Variants in CD93 observed in about 807,000 individuals in gnomAD.
The protein encoded by CD93 is complement component C1q receptor.
In CD93, 44 loss-of-function variants were observed where a neutral mutation model predicts 45.5. The ratio of observed to expected loss-of-function variants is 0.97; its 90% CI spans 0.76 to 1.24. The LOEUF is 1.24. Among genes scored for constraint, CD93 ranks in the 50% most tolerant of loss-of-function variants. CD93 has a pLI of 0.00. For missense variants in CD93, 918 were observed against 844.5 expected, an observed-to-expected ratio of 1.09 and a Z score of -1.08; for synonymous variants, 431 against 370.8, an observed-to-expected ratio of 1.16 and a Z score of -1.87.
Position 23,085,828 on chromosome 20 carries a change from T to G in CD93, c.365A>C (p.Asp122Ala). Residue 122 changes from aspartate (D) to alanine (A), a missense_variant, in exon 1 of 2, where the codon GAC becomes GCC. Asp to Ala is a moderately radical substitution (Grantham distance 126). Coordinates refer to ENST00000246006, the MANE Select transcript of CD93 (RefSeq NM_012072.4). Reference sequence around the variant, plus strand: ...CTTGTGCCAGTTAGAGTAAGGCGTGTCCTCCCCCCCGCCCACCCAGCTGAA... The same window carrying G: ...CTTGTGCCAGTTAGAGTAAGGCGTGGCCTCCCCCCCGCCCACCCAGCTGAA... ...KGFSWVGGGE[D>A]TPYSNWHKEL... 1 of 1,602,360 alleles carries G rather than the reference T, an allele frequency of 6.2e-7. No homozygotes were observed.
chr20:23,084,754 G>C lies in CD93; in HGVS notation c.1439C>G (p.Pro480Arg). ...GPVSLGPPSG[P>R]PDEEDKGEKE... Reference sequence around the variant, plus strand: ...CTCTCCTTTGTCCTCCTCATCGGGGGGCCCAGATGGTGGTCCCAGAGACAC... The same window carrying C: ...CTCTCCTTTGTCCTCCTCATCGGGGCGCCCAGATGGTGGTCCCAGAGACAC... Residue 480 changes from proline to arginine, a missense_variant, in exon 1 of 2, where the codon CCC (proline) becomes CGC (arginine). Pro to Arg is a moderately radical substitution (Grantham distance 103). Coordinates refer to ENST00000246006, the MANE Select transcript of CD93 (RefSeq NM_012072.4). 1.2e-6 allele frequency: 2 copies of C among 1,610,072 alleles called. No homozygotes were observed. The highest frequency in any genetic ancestry group is 2.2e-5 in the South Asian group (2 of 90,734).
At position 23,083,335 on chromosome 20, in the gene CD93, C is replaced by T. The variant is rs1052755299; in HGVS notation, c.*615G>A. 1 of 152,378 alleles carries T rather than the reference C, an allele frequency of 6.6e-6. No homozygotes were observed. The highest frequency in any genetic ancestry group is 6.5e-5 in the Admixed American group (1 of 15,308). 9.4% of individuals were successfully genotyped at this position (152,378 alleles called of 1,614,324 possible). On this transcript the variant is annotated 3_prime_UTR_variant, in exon 2 of 2. Coordinates refer to ENST00000246006, the MANE Select transcript of CD93 (RefSeq NM_012072.4). ...TAAGAACTAAAGAGGCACTTCCTGC[C>T]TCCTTGCCACCTAAGAGGTTAATTG...
rs1985328686 is a variant in CD93 at position 23,081,764 on chromosome 20, A to C, written c.*2186T>G. ...TGAGAGCAATCAGAACACTGTGAAAATAGGAGGGCTCGTTGGATCCCAGGA... is the reference window on the plus strand; with the variant it reads ...TGAGAGCAATCAGAACACTGTGAAACTAGGAGGGCTCGTTGGATCCCAGGA... On this transcript the variant is annotated 3_prime_UTR_variant, in exon 2 of 2. Coordinates refer to ENST00000246006, the MANE Select transcript of CD93 (RefSeq NM_012072.4). 6.6e-6 allele frequency: 1 copy of C among 152,272 alleles called. No individual in the cohort carries two copies. The highest frequency in any genetic ancestry group is 2.4e-5 in the African/African-American group (1 of 41,450). The allele number at this position is 152,272 out of a possible 1,614,324, so 9.4% of individuals were successfully genotyped here. A position where few individuals can be genotyped will look rare whatever the true frequency, so the allele number is the denominator to read the frequency against.
At position 23,083,974 on chromosome 20, in the gene CD93, A is replaced by C. The variant is rs748756730; in HGVS notation, c.1935T>G (p.Ser645Arg). The C allele has an allele frequency of 1.2e-6, 2 of 1,614,108 alleles. No individual in the cohort carries two copies. Among genetic ancestry groups the C allele is most frequent in the Non-Finnish European group, 1.7e-6 (2 of 1,180,012 alleles). Residue 645 changes from serine to arginine, a missense_variant and splice_region_variant, in exon 2 of 2, where the codon AGT (serine) becomes AGG (arginine). By Grantham distance (110) the Ser-to-Arg change is moderately radical. Coordinates refer to ENST00000246006, the MANE Select transcript of CD93 (RefSeq NM_012072.4). ...TTCAGCAGTCTGTCCCAGGTGTCGGACTATGGGAAACAAAACAGACAGCGT... is the reference window on the plus strand; with the variant it reads ...TTCAGCAGTCTGTCCCAGGTGTCGGCCTATGGGAAACAAAACAGACAGCGT... ...AESRAMENQY[S>R]PTPGTDC
rs1568675791 is a variant in CD93, at chr20:23,081,525, G to T, written c.*2425C>A. On this transcript the variant is annotated 3_prime_UTR_variant, in exon 2 of 2. Transcript: ENST00000246006. ...ATCAGATGCACAACCTGAGCTGTCT[G>T]GTTGGGTTGCTGGCTCTCCCCCCGT... 1.3e-5 allele frequency: 2 copies of T among 152,270 alleles called. No homozygotes were observed. The highest frequency in any genetic ancestry group is 2.4e-5 in the African/African-American group (1 of 41,472). 9.4% of individuals were successfully genotyped at this position (152,270 alleles called of 1,614,324 possible).
In CD93 at chr20:23,084,994, C is replaced by A; in HGVS notation, c.1199G>T (p.Cys400Phe). 6.2e-7 allele frequency: 1 copy of A among 1,613,940 alleles called. No individual in the cohort carries two copies. Among genetic ancestry groups the A allele is most frequent in the Non-Finnish European group, 8.5e-7 (1 of 1,180,018 alleles). ...ALGRSPCAQG[C>F]TNTDGSFHCS... ...GTGAAATGAGCCATCTGTGTTGGTG[C>A]AGCCCTGGGCGCAAGGCGAGCGACC... Residue 400 changes from cysteine (C) to phenylalanine (F), a missense_variant, in exon 1 of 2, where the codon TGC becomes TTC. Coordinates refer to ENST00000246006, the MANE Select transcript of CD93 (RefSeq NM_012072.4).
Position 23,085,938 on chromosome 20 carries a change from G to A in CD93, c.255C>T (p.Ala85=). Residue 85 remains alanine, a synonymous_variant, in exon 1 of 2, where the codon GCC becomes GCT. Coordinates refer to ENST00000246006, the MANE Select transcript of CD93 (RefSeq NM_012072.4). ...VLAQLLRREA[A]LTARMSKFWI... ...AGAACTTGCTCATCCTCGCCGTCAG[G>A]GCTGCCTCCCGCCTCAGGAGCTGGG... 1 of 1,608,664 alleles carries A rather than the reference G, an allele frequency of 6.2e-7. No individual in the cohort carries two copies. The highest frequency in any genetic ancestry group is 8.5e-7 in the Non-Finnish European group (1 of 1,178,386).
chr20:23,083,666 A>G lies in CD93; in HGVS notation c.*284T>C. 1 of 514,778 alleles carries G rather than the reference A, an allele frequency of 1.9e-6. No individual in the cohort carries two copies. Among genetic ancestry groups the G allele is most frequent in the Non-Finnish European group, 3.5e-6 (1 of 285,370 alleles). The allele number at this position is 514,778 out of a possible 1,614,324, so 31.9% of individuals were successfully genotyped here. A position where few individuals can be genotyped will look rare whatever the true frequency, so the allele number is the denominator to read the frequency against. The stretch of plus-strand genomic sequence containing the variant: ...CGGCCTCCTCACACCCTGATCCGGA[A>G]TTGGTCACATTGGAATTTGAAAAGG... On this transcript the variant is annotated 3_prime_UTR_variant, in exon 2 of 2. Coordinates refer to ENST00000246006, the MANE Select transcript of CD93 (RefSeq NM_012072.4).
Position 23,085,682 on chromosome 20 carries a change from G to A in CD93, c.511C>T (p.Pro171Ser). ...SEGPCGSPGSPGSNIEGFVCK... is the reference protein window; with the variant it reads ...SEGPCGSPGSSGSNIEGFVCK... ...ACGAAGCCCTCAATGTTACTTCCGG[G>A]GGAGCCTGGGCTCCCACAGGGGCCC... The change falls in exon 1 of 2, where the codon CCC becomes TCC. Residue 171 changes from proline to serine, a missense_variant. Transcript: ENST00000246006. 3 of 1,610,720 alleles carry A rather than the reference G, an allele frequency of 1.9e-6. No individual in the cohort carries two copies. Among genetic ancestry groups the A allele is most frequent in the Non-Finnish European group, 2.5e-6 (3 of 1,179,268 alleles).
In CD93 at chr20:23,083,723, A is replaced by G; in HGVS notation, c.*227T>C. ...GAGTAACAATCATTATAGAGTCACG[A>G]AATCCCCACCGTGGCACGCCAACAC... On this transcript the variant is annotated 3_prime_UTR_variant, in exon 2 of 2. Coordinates refer to ENST00000246006, the MANE Select transcript of CD93 (RefSeq NM_012072.4). 2 of 599,660 alleles carry G rather than the reference A, an allele frequency of 3.3e-6. No homozygotes were observed. Among genetic ancestry groups the G allele is most frequent in the South Asian group, 4.0e-5 (2 of 50,040 alleles). The allele number at this position is 599,660 out of a possible 1,614,324, so 37.1% of individuals were successfully genotyped here.
At position 23,084,275 on chromosome 20, in the gene CD93, T is replaced by A. The variant is rs41418351; in HGVS notation, c.1918A>T (p.Met640Leu). 2.5e-6 allele frequency: 4 copies of A among 1,613,804 alleles called. No homozygotes were observed. The highest frequency in any genetic ancestry group is 3.4e-6 in the Non-Finnish European group (4 of 1,180,026). Residue 640 changes from methionine to leucine, a missense_variant, in exon 1 of 2, where the codon ATG becomes TTG. By Grantham distance (15) the Met-to-Leu change is conservative. Transcript: ENST00000246006. ...CCCCTTTACCTGTACTGGTTCTCCA[T>A]GGCCCTGCTCTCAGCTCGCTCTGGA... ...WVPERAESRA[M>L]ENQYSPTPGT...
Position 23,085,249 on chromosome 20 carries a change from GC to G in CD93, c.943del (p.Ala315ProfsTer273). The G allele has an allele frequency of 3.1e-6, 5 of 1,612,470 alleles. No homozygotes were observed. Among genetic ancestry groups the G allele is most frequent in the African/African-American group, 1.3e-5 (1 of 75,010 alleles). ...PCSSSPCRGGATCVLGPHGKN... is the reference protein window; with the variant it reads ...PCSSSPCRGGXTCVLGPHGKN... ...CCCATGGGGTCCCAGGACGCACGTG[GC>G]CCCCCCACGACATGGGCTGGAGCTG... On this transcript the variant is annotated frameshift_variant, in exon 1 of 2. Coordinates refer to ENST00000246006, the MANE Select transcript of CD93 (RefSeq NM_012072.4). LOFTEE classifies it high-confidence loss of function.
In CD93 at chr20:23,084,756, C is replaced by G; in HGVS notation, c.1437G>C (p.Gly479=). Residue 479 remains glycine (G), a synonymous_variant, in exon 1 of 2, where the codon GGG becomes GGC. Coordinates refer to ENST00000246006, the MANE Select transcript of CD93 (RefSeq NM_012072.4). ...MGPVSLGPPS[G]PPDEEDKGEK... is the part of the protein sequence containing the mutation. ...CTCCTTTGTCCTCCTCATCGGGGGG[C>G]CCAGATGGTGGTCCCAGAGACACAG... The G allele has an allele frequency of 1.2e-6, 2 of 1,610,652 alleles. No individual in the cohort carries two copies. Among genetic ancestry groups the G allele is most frequent in the Non-Finnish European group, 1.7e-6 (2 of 1,178,944 alleles).
At position 23,085,298 on chromosome 20, in the gene CD93, TC is replaced by T; in HGVS notation, c.894del (p.Thr299ProfsTer289). 3.1e-6 allele frequency: 5 copies of T among 1,613,874 alleles called. No individual in the cohort carries two copies. In the Admixed American group the frequency reaches 8.3e-5, roughly 27 times the overall value. On this transcript the variant is annotated frameshift_variant, in exon 1 of 2. Transcript: ENST00000246006. LOFTEE classifies it high-confidence loss of function. ...CTGCAAGGGTTTCGAGAGGCACAGGTCACCAGGTCATCCAGCAGCCGGAATC... is the reference window on the plus strand; with the variant it reads ...CTGCAAGGGTTTCGAGAGGCACAGGTACCAGGTCATCCAGCAGCCGGAATC... ...RPGFRLLDDL[V>X]TCASRNPCSS...
At position 23,083,795 on chromosome 20, in the gene CD93, A is replaced by G; in HGVS notation, c.*155T>C. 1.4e-6 allele frequency: 1 copy of G among 719,328 alleles called. No individual in the cohort carries two copies. Among genetic ancestry groups the G allele is most frequent in the Non-Finnish European group, 2.5e-6 (1 of 394,906 alleles). The allele number at this position is 719,328 out of a possible 1,614,324, so 44.6% of individuals were successfully genotyped here. ...TCAAACACCCGTAGAAAATACCTGCATGTTCCAAGGGGCCTTTAAGGAGGA... is the reference window on the plus strand; with the variant it reads ...TCAAACACCCGTAGAAAATACCTGCGTGTTCCAAGGGGCCTTTAAGGAGGA... On this transcript the variant is annotated 3_prime_UTR_variant, in exon 2 of 2. Transcript: ENST00000246006.
Position 23,084,718 on chromosome 20 carries a change from C to T in CD93, c.1475G>A (p.Ser492Asn), listed in dbSNP as rs764305858. 22 of 1,597,376 alleles carry T rather than the reference C, an allele frequency of 1.4e-5. No homozygotes were observed. The Admixed American group carries it at 1.6e-4, about 11-fold the overall frequency. Residue 492 changes from serine to asparagine, a missense_variant, in exon 1 of 2, where the codon AGC becomes AAC. Ser to Asn is a conservative substitution (Grantham distance 46). Coordinates refer to ENST00000246006, the MANE Select transcript of CD93 (RefSeq NM_012072.4). ...GGCTGTTGCAGCACGGGGCACGGTG[C>T]TCCCTTCTTTCTCTCCTTTGTCCTC... ...DEEDKGEKEG[S>N]TVPRAATASP...
At position 23,082,873 on chromosome 20, in the gene CD93, A is replaced by G. The variant is rs1297895493; in HGVS notation, c.*1077T>C. ...CAGGATGCTGCATCAACTGTGGACTATGAACTGTGCTAAAATGCTTTAAAA... is the reference window on the plus strand; with the variant it reads ...CAGGATGCTGCATCAACTGTGGACTGTGAACTGTGCTAAAATGCTTTAAAA... On this transcript the variant is annotated 3_prime_UTR_variant, in exon 2 of 2. Transcript: ENST00000246006. 1 of 152,638 alleles carries G rather than the reference A, an allele frequency of 6.6e-6. No individual in the cohort carries two copies. The highest frequency in any genetic ancestry group is 6.5e-5 in the Admixed American group (1 of 15,284). The allele number at this position is 152,638 out of a possible 1,614,324, so 9.5% of individuals were successfully genotyped here.
rs1985377056 is a variant in CD93, at chr20:23,083,380, G to A, written c.*570C>T. On this transcript the variant is annotated 3_prime_UTR_variant, in exon 2 of 2. Coordinates refer to ENST00000246006, the MANE Select transcript of CD93 (RefSeq NM_012072.4). ...TAATTGCACTTCTGGCCATTCTGGAGGATGTCAACAGTATCACATTTAGCA... is the reference window on the plus strand; with the variant it reads ...TAATTGCACTTCTGGCCATTCTGGAAGATGTCAACAGTATCACATTTAGCA... The A allele has an allele frequency of 6.5e-6, 1 of 152,810 alleles. No individual in the cohort carries two copies. The highest frequency in any genetic ancestry group is 2.0e-4 in the South Asian group (1 of 4,882). 9.5% of individuals were successfully genotyped at this position (152,810 alleles called of 1,614,324 possible). A position where few individuals can be genotyped will look rare whatever the true frequency, so the allele number is the denominator to read the frequency against.
rs3803984 is a variant in CD93, at chr20:23,080,094, T to C, written c.*3856A>G. 21 of 152,566 alleles carry C rather than the reference T, an allele frequency of 1.4e-4. No homozygotes were observed. In the East Asian group the frequency reaches 3.3e-3, roughly 24 times the overall value. The allele number at this position is 152,566 out of a possible 1,614,324, so 9.5% of individuals were successfully genotyped here. On this transcript the variant is annotated 3_prime_UTR_variant, in exon 2 of 2. Transcript: ENST00000246006. ...AAGCTAAAGCTATTGTTCAAGGTGA[T>C]GGAAATATGTAGGGGGCATTAAACC...
Sources: gnomAD v4.1 joint callset for allele counts on GRCh38, gnomAD v4.1.1 for gene constraint, MANE v1.5 for transcripts, NCBI Gene and HGNC (gene_info 2026-07-23, HGNC 2026-07-21) for gene names.